The following LRP1B variants were observed in gnomAD, a reference collection of about 807,000 sequenced individuals.
LRP1B encodes the protein LDL receptor related protein 1B, also known as low-density lipoprotein receptor-related protein 1B.
In LRP1B, 217 loss-of-function variants were observed where a neutral mutation model predicts 556.6. The observed-to-expected ratio is 0.39, with a 90% CI of 0.35 to 0.44. The LOEUF is 0.44. LRP1B is among the 20% of genes least tolerant of loss of function. The probability of loss-of-function intolerance (pLI) is 1.00; values close to 1 mark genes in which losing one functional copy is unlikely to be tolerated. For missense variants in LRP1B, 5,053 were observed against 5,620.8 expected, an observed-to-expected ratio of 0.90 and a Z score of 3.23; for synonymous variants, 2,047 against 1,865.8, an observed-to-expected ratio of 1.10 and a Z score of -2.50.
At chr2:140,827,139 T>G (rs181130112) in intron 31 of LRP1B, among the ~76,000 whole-genome samples, 215 of 152,140 alleles carry the variant, frequency 1.4e-3, no homozygotes, top group African/African-American at 4.2e-3. Context: ...GCAAAGAAAC[T>G]CTAAGCAAAC....
At chr2:140,364,526 T>C (rs1682663239) in intron 72 of LRP1B, 135 bp downstream of exon 72, 1 of 985,716 alleles carries the variant, frequency 1.0e-6, no homozygotes, top group Non-Finnish European at 1.5e-6. Flanking sequence ...ACAAAAGCTG[T>C]ATCTGTGGTT....
At chr2:141,094,386 A>G (rs1383718494) in intron 7 of LRP1B, among the ~76,000 whole-genome samples, 1 of 152,204 alleles carries the variant, frequency 6.6e-6, no homozygotes, top group Non-Finnish European at 1.5e-5. Context: ...TAAAATGTTT[A>G]AACTTTCAGC....
At chr2:141,210,200 T>A (rs1321365509) in intron 6 of LRP1B, among the ~76,000 whole-genome samples, 1 of 151,438 alleles carries the variant, frequency 6.6e-6, no homozygotes, top group Non-Finnish European at 1.5e-5. Context: ...TCCCAGTATC[T>A]CGTAAACATC....
intron 2 of LRP1B, among the ~76,000 whole-genome samples, chr2:141,800,822 G>A (rs1284157293): frequency 3.3e-5 from 5 of 152,170 alleles, no homozygotes; most frequent in African/African-American, 1.2e-4. Flanking sequence ...GCTTTTATGT[G>A]CTCAGAAGCA....
intron 3 of LRP1B, among the ~76,000 whole-genome samples, chr2:141,276,051 G>A (rs1357114406): frequency 2.0e-5 from 3 of 152,102 alleles, no homozygotes; most frequent in African/African-American, 7.2e-5. Context: ...TGCTTTCTGA[G>A]GGATTTCATC....
intron 41 of LRP1B, among the ~76,000 whole-genome samples, chr2:140,650,585 G>C (rs1311497402): frequency 6.6e-6 from 1 of 152,092 alleles, no homozygotes; most frequent in Non-Finnish European, 1.5e-5. Context: ...CTGAACTCAG[G>C]TGATCTGCCT....
chr2:140,302,243 C>T (rs1683864798), intron 83 of LRP1B, among the ~76,000 whole-genome samples: 5 of 152,024 alleles, frequency 3.3e-5, no homozygotes. Flanking sequence ...GTCTAAATGC[C>T]TCTGTCCCAA....
chr2:141,217,542 A>G (rs1389185509), intron 6 of LRP1B, among the ~76,000 whole-genome samples: 1 of 152,200 alleles, frequency 6.6e-6, no homozygotes. Flanking sequence ...CCATATGGAA[A>G]AAAATGAAAT....
At chr2:140,778,704 A>G (rs890888142) in intron 32 of LRP1B, among the ~76,000 whole-genome samples, 2 of 152,090 alleles carry the variant, frequency 1.3e-5, no homozygotes, top group African/African-American at 4.8e-5. Flanking sequence ...AGAAACTAAC[A>G]GGTGTTGAGT....
chr2:140,841,408 C>G (rs1692101274), intron 29 of LRP1B, among the ~76,000 whole-genome samples: 1 of 152,132 alleles, frequency 6.6e-6, no homozygotes, highest in South Asian at 2.1e-4. Context: ...AACCAAAATT[C>G]AAATTAGAGT....
At chr2:141,875,794 G>A (rs1214285913) in intron 1 of LRP1B, among the ~76,000 whole-genome samples, 1 of 151,820 alleles carries the variant, frequency 6.6e-6, no homozygotes, top group Non-Finnish European at 1.5e-5. Flanking sequence ...TGATATCAAG[G>A]TTCATGTATC....
intron 2 of LRP1B, among the ~76,000 whole-genome samples, chr2:141,715,542 T>C (rs1049570871): frequency 3.9e-5 from 6 of 152,088 alleles, no homozygotes; most frequent in African/African-American, 1.4e-4. Context: ...CGGCCAGTTG[T>C]GGTGGCTCAC....
At chr2:141,870,171 ATTAAG>A (rs920880559) in intron 1 of LRP1B, among the ~76,000 whole-genome samples, 44 of 152,106 alleles carry the variant, frequency 2.9e-4, no homozygotes, top group African/African-American at 9.9e-4. Context: ...TTCAGACAGC[ATTAAG>A]TTATTAGTCC....
chr2:141,232,724 T>C (rs1326753833), intron 5 of LRP1B, among the ~76,000 whole-genome samples: 1 of 152,184 alleles, frequency 6.6e-6, no homozygotes, highest in African/African-American at 2.4e-5. Context: ...TTAATAATGG[T>C]GACTTCAAAA....
intron 66 of LRP1B, among the ~76,000 whole-genome samples, chr2:140,425,931 A>G (rs1685633010): frequency 6.6e-6 from 1 of 152,184 alleles, no homozygotes; most frequent in South Asian, 2.1e-4. Context: ...ACTTCTTTGG[A>G]TTCCTGGAGT....
intron 37 of LRP1B, among the ~76,000 whole-genome samples, chr2:140,712,409 T>G (rs1687063625): frequency 6.6e-6 from 1 of 152,072 alleles, no homozygotes; most frequent in Non-Finnish European, 1.5e-5. Context: ...ATACCTAATG[T>G]AAGATACAAA....
chr2:141,787,153 A>G (rs1238475234), intron 2 of LRP1B, among the ~76,000 whole-genome samples: 2 of 151,990 alleles, frequency 1.3e-5, no homozygotes, highest in East Asian at 3.9e-4. Flanking sequence ...GGAATACAAA[A>G]TGGTACAGCT....
At position 140,501,961 on chromosome 2, in the gene LRP1B, A is replaced by G. The variant is rs1483674545; in HGVS notation, c.8663-87T>C. 6 of 869,996 alleles carry G rather than the reference A, an allele frequency of 6.9e-6. No individual in the cohort carries two copies. In the East Asian group the frequency reaches 1.4e-4, roughly 20 times the overall value. The allele number at this position is 869,996 out of a possible 1,614,324, so 53.9% of individuals were successfully genotyped here. Reference sequence around the variant, plus strand: ...TTGAAAACATTCACAAATATCATTAACTCAGGTGTCAAAAATCATAATATA... The same window carrying G: ...TTGAAAACATTCACAAATATCATTAGCTCAGGTGTCAAAAATCATAATATA... On this transcript the variant is annotated intron_variant, in intron 54 of 90. Transcript: ENST00000389484.
At chr2:140,990,632 G>A (rs1000395948) in intron 16 of LRP1B, among the ~76,000 whole-genome samples, 1 of 151,896 alleles carries the variant, frequency 6.6e-6, no homozygotes. Flanking sequence ...ATACTTAGGA[G>A]GTGACCAATC....
Sources: allele counts gnomAD v4.1 joint callset (sites outside exome capture counted in the v4.1 genomes callset), GRCh38; gene constraint gnomAD v4.1.1; transcripts MANE v1.5; gene names NCBI Gene and HGNC (gene_info 2026-07-23, HGNC 2026-07-21).